The following NAALADL2 variants were observed in gnomAD, a reference collection of about 807,000 sequenced individuals.
The protein encoded by NAALADL2 is N-acetylated alpha-linked acidic dipeptidase like 2.
In NAALADL2, 76 loss-of-function variants were observed where a neutral mutation model predicts 87.2. That is an observed-to-expected ratio of 0.87 (90% CI 0.72 to 1.05). NAALADL2 has a LOEUF of 1.05. Ranked by LOEUF, NAALADL2 falls within the 50% of genes least tolerant of loss-of-function variation. The pLI, the probability that NAALADL2 is intolerant of heterozygous loss-of-function variation, is 0.00. For synonymous variants in NAALADL2, 354 were observed against 331.0 expected, an observed-to-expected ratio of 1.07 and a Z score of -0.75; for missense variants, 1,089 against 945.8, an observed-to-expected ratio of 1.15 and a Z score of -1.99.
chr3:175,300,631 A>G (rs1255575726), intron 4 of NAALADL2, among the ~76,000 whole-genome samples: 6 of 151,444 alleles, frequency 4.0e-5, no homozygotes, highest in Admixed American at 3.9e-4. Context: ...ATCAGTGGTG[A>G]TCCCCCCTTT....
intron 2 of NAALADL2, among the ~76,000 whole-genome samples, chr3:174,734,086 G>A (rs945914592): frequency 1.3e-5 from 2 of 151,930 alleles, no homozygotes; most frequent in African/African-American, 2.4e-5. Context: ...TTTCATTTTC[G>A]GTGTTGAGGG....
chr3:175,636,289 T>C (rs1728526973), intron 11 of NAALADL2, among the ~76,000 whole-genome samples: 1 of 152,162 alleles, frequency 6.6e-6, no homozygotes, highest in Non-Finnish European at 1.5e-5. Flanking sequence ...CACCATAGAC[T>C]GACACTACCA....
intron 3 of NAALADL2, among the ~76,000 whole-genome samples, chr3:175,248,479 C>T (rs1748421676): frequency 6.6e-6 from 1 of 152,056 alleles, no homozygotes. Context: ...TCTAGGGAGT[C>T]CCTAGCTAAT....
chr3:174,607,233 C>T lies in NAALADL2; in HGVS notation c.-115+56596C>T, dbSNP rs186325727. ...AATCATGCCAAAATGTAAAGACCATCGAGACTAGGAAGAAACTGCATCAAC... is the reference window on the plus strand; with the variant it reads ...AATCATGCCAAAATGTAAAGACCATTGAGACTAGGAAGAAACTGCATCAAC... On this transcript the variant is annotated intron_variant, in intron 2 of 3. Coordinates refer to the NAALADL2 transcript ENST00000434257. Among the ~76,000 whole-genome samples, 1,060 of 152,036 alleles carry T rather than the reference C, an allele frequency of 7.0e-3. 14 individuals are homozygous for T. The highest frequency in any genetic ancestry group is 0.024 in the African/African-American group (998 of 41,470).
chr3:174,450,106 G>T (rs1715378159), intron 1 of NAALADL2, among the ~76,000 whole-genome samples: 1 of 152,058 alleles, frequency 6.6e-6, no homozygotes, highest in Non-Finnish European at 1.5e-5. Context: ...AGGCAAGGCA[G>T]AGAGTGAGTG....
intron 2 of NAALADL2, among the ~76,000 whole-genome samples, chr3:175,103,585 A>G (rs1176070085): frequency 1.3e-5 from 2 of 152,128 alleles, no homozygotes; most frequent in African/African-American, 2.4e-5. Context: ...ATCCTTCTCC[A>G]CCCAACATTC....
intron 5 of NAALADL2, among the ~76,000 whole-genome samples, chr3:175,324,608 CAAATT>C (rs1760449152): frequency 6.6e-6 from 1 of 152,080 alleles, no homozygotes; most frequent in Non-Finnish European, 1.5e-5. Context: ...ACTGATAAGA[CAAATT>C]AACACCAGGT....
At chr3:175,223,118 G>GTGTGTGTA (rs1553820072) in intron 2 of NAALADL2, among the ~76,000 whole-genome samples, 5 of 151,830 alleles carry the variant, frequency 3.3e-5, no homozygotes, top group Non-Finnish European at 5.9e-5. Flanking sequence ...GTGTGTGTGT[G>GTGTGTGTA]TGTGTGTGTG....
intron 5 of NAALADL2, among the ~76,000 whole-genome samples, chr3:175,378,553 C>A (rs147022789): frequency 1.3e-5 from 2 of 152,350 alleles, no homozygotes; most frequent in African/African-American, 4.8e-5. Context: ...TAGATTGCAT[C>A]TGAAGTCTCA....
At chr3:175,746,783 T>TG (rs1017105582) in intron 12 of NAALADL2, among the ~76,000 whole-genome samples, 1 of 152,196 alleles carries the variant, frequency 6.6e-6, no homozygotes, top group African/African-American at 2.4e-5. Context: ...GGCCATCCAT[T>TG]GGGGGCAAAT....
At position 174,810,883 on chromosome 3, in the gene NAALADL2, C is replaced by A. The variant is rs897456120; in HGVS notation, c.-9+73137C>A. On this transcript the variant is annotated intron_variant, in intron 3 of 3. Transcript: ENST00000434257. ...GAGGCCTAAGAGGAAAGAATAATAT[C>A]ATGGACCAGACCTAGGGCCCTGCCA... Among the ~76,000 whole-genome samples the A allele has an allele frequency of 2.0e-5, 3 of 152,296 alleles. No homozygotes were observed. In the South Asian group the frequency reaches 6.2e-4, roughly 32 times the overall value.
rs562077735 is a variant in NAALADL2, at chr3:174,623,899, A to C, written c.-115+73262A>C. The stretch of plus-strand genomic sequence containing the variant: ...ATTTACTTTATATAAAACCTTATAA[A>C]GTGCAATCCATCCAAAGTTACTTGG... On this transcript the variant is annotated intron_variant, in intron 2 of 3. Coordinates refer to the NAALADL2 transcript ENST00000434257. Among the ~76,000 whole-genome samples, 19 of 152,070 alleles carry C rather than the reference A, an allele frequency of 1.2e-4. No individual in the cohort carries two copies. The East Asian group carries it at 3.1e-3, about 25-fold the overall frequency.
rs551625861 is a variant in NAALADL2 at position 175,799,079 on chromosome 3, GCA to G, written c.2190-3925_2190-3924del. On this transcript the variant is annotated intron_variant, in intron 13 of 13. Coordinates refer to ENST00000454872, the MANE Select transcript of NAALADL2 (RefSeq NM_207015.3). ...TGGATTATAATATTTTTGTTTGTCA[GCA>G]TACTAAACAATTTGTCCTCAAGGTA... Among the ~76,000 whole-genome samples the G allele has an allele frequency of 1.8e-3, 272 of 152,056 alleles. 3 individuals are homozygous for G. The highest frequency in any genetic ancestry group is 6.4e-3 in the African/African-American group (264 of 41,502).
At chr3:175,206,273 T>TTTC (rs1740848636) in intron 2 of NAALADL2, among the ~76,000 whole-genome samples, 1 of 76,888 alleles carries the variant, frequency 1.3e-5, no homozygotes, top group Non-Finnish European at 2.7e-5. Flanking sequence ...TTTTTTTTTT[T>TTTC]CACTGTGTGT....
At chr3:174,520,322 GC>G (rs1447035155) in intron 1 of NAALADL2, among the ~76,000 whole-genome samples, 1 of 152,048 alleles carries the variant, frequency 6.6e-6, no homozygotes, top group Non-Finnish European at 1.5e-5. Flanking sequence ...TTACTACAAG[GC>G]TATAGTAACT....
rs1332971420 is a variant in NAALADL2 at position 175,804,466 on chromosome 3, T to C, written c.*1263T>C. 6.6e-6 allele frequency: 1 copy of C among 151,808 alleles called. No individual in the cohort carries two copies. The highest frequency in any genetic ancestry group is 1.5e-5 in the Non-Finnish European group (1 of 67,824). 9.4% of individuals were successfully genotyped at this position (151,808 alleles called of 1,614,324 possible). ...CAACTATTATTATTCCCCCAAACCC[T>C]AAAATTCTACCTATTAGGTGTCAGG... On this transcript the variant is annotated 3_prime_UTR_variant, in exon 14 of 14. Transcript: ENST00000454872.
intron 1 of NAALADL2, among the ~76,000 whole-genome samples, chr3:174,979,202 C>T (rs892653651): frequency 2.7e-5 from 4 of 150,652 alleles, no homozygotes; most frequent in African/African-American, 2.4e-5. Context: ...CTGGAGTCCT[C>T]TAAATTTTTC....
intron 5 of NAALADL2, among the ~76,000 whole-genome samples, chr3:175,380,106 G>A (rs1008784356): frequency 1.3e-5 from 2 of 151,968 alleles, no homozygotes; most frequent in African/African-American, 4.8e-5. Context: ...GCTAAATGAC[G>A]AGTTAATGGG....
intron 5 of NAALADL2, among the ~76,000 whole-genome samples, chr3:175,387,266 C>T (rs747132748): frequency 6.6e-6 from 1 of 151,958 alleles, no homozygotes; most frequent in Non-Finnish European, 1.5e-5. Flanking sequence ...AATGCATTCC[C>T]TATGGATAAA....
Sources: allele counts gnomAD v4.1 joint callset (sites outside exome capture counted in the v4.1 genomes callset), GRCh38; gene constraint gnomAD v4.1.1; transcripts MANE v1.5; gene names NCBI Gene and HGNC (gene_info 2026-07-23, HGNC 2026-07-21).